The following PTK2 variants were observed in gnomAD, a reference collection of about 807,000 sequenced individuals.
PTK2 encodes the protein focal adhesion kinase 1.
In PTK2, 45 loss-of-function variants were observed where a neutral mutation model predicts 150.1. That is an observed-to-expected ratio of 0.30 (90% confidence interval 0.24 to 0.38). The LOEUF is 0.38. Ranked by LOEUF, PTK2 falls within the 10% of genes least tolerant of loss-of-function variation. PTK2 has a pLI of 1.00. For synonymous variants in PTK2, 432 were observed against 449.2 expected (o/e 0.96, Z 0.48); for missense variants, 919 against 1,307.3 (o/e 0.70, Z 4.58).
intron 2 of PTK2, chr8:140,920,790 A>T: frequency 2.1e-6 from 3 of 1,459,282 alleles, no homozygotes; most frequent in Non-Finnish European, 2.7e-6. Flanking sequence ...AATAAAACGG[A>T]ACATATTTTT....
intron 5 of PTK2, among the ~76,000 whole-genome samples, chr8:140,862,163 G>A (rs1399950626): frequency 6.6e-6 from 1 of 152,058 alleles, no homozygotes; most frequent in Admixed American, 6.5e-5. Flanking sequence ...TTATAAAAAG[G>A]AGTCACTTAA....
intron 14 of PTK2, 53 bp from the exon 17 acceptor site, chr8:140,764,343 G>A (rs773889677): frequency 3.0e-6 from 4 of 1,319,312 alleles, no homozygotes; most frequent in Admixed American, 1.7e-5. Flanking sequence ...TGACCTCCTG[G>A]TATTTCATAT....
intron 23 of PTK2, among the ~76,000 whole-genome samples, chr8:140,714,226 G>A (rs182968297): frequency 6.6e-6 from 1 of 152,176 alleles, no homozygotes; most frequent in East Asian, 1.9e-4. Context: ...TTGGGAAAGA[G>A]AAAGACTTTT....
intron 1 of PTK2, among the ~76,000 whole-genome samples, chr8:140,984,451 A>G (rs2100192572): frequency 6.6e-6 from 1 of 152,174 alleles, no homozygotes; most frequent in Admixed American, 6.5e-5. Context: ...CTTAGGAAAA[A>G]TGCAAGTCTG....
chr8:140,769,755 G>C (rs2100074512), intron 14 of PTK2, among the ~76,000 whole-genome samples, 163 bp from the exon 16 acceptor site: 1 of 152,084 alleles, frequency 6.6e-6, no homozygotes, highest in Non-Finnish European at 1.5e-5. Context: ...TAATTCAAAA[G>C]ATAAAGAAAG....
At chr8:140,922,933 G>T (rs1222823274) in intron 2 of PTK2, among the ~76,000 whole-genome samples, 2 of 152,122 alleles carry the variant, frequency 1.3e-5, no homozygotes, top group Non-Finnish European at 2.9e-5. Flanking sequence ...AGAGAGTGGT[G>T]TAAGCACAGG....
chr8:140,965,358 T>C (rs4440675), intron 1 of PTK2, among the ~76,000 whole-genome samples: 67,148 of 152,012 alleles, frequency 0.44, 16,046 homozygotes, highest in Non-Finnish European at 0.55. Context: ...GTAGGGGCTG[T>C]TCTGTCTCAC....
chr8:140,958,139 ACTAATTTT>A (rs1392119873), intron 1 of PTK2, among the ~76,000 whole-genome samples: 2 of 151,912 alleles, frequency 1.3e-5, no homozygotes, highest in Non-Finnish European at 1.5e-5. Context: ...TCACTCTCCT[ACTAATTTT>A]TTGTTTTTGA....
At chr8:140,797,771 T>G (rs776499662) in intron 12 of PTK2, among the ~76,000 whole-genome samples, 7 of 152,198 alleles carry the variant, frequency 4.6e-5, no homozygotes, top group Non-Finnish European at 1.0e-4. Flanking sequence ...ACAATTTGGC[T>G]TGTGGCTCTT....
intron 1 of PTK2, among the ~76,000 whole-genome samples, chr8:140,967,457 CTTTCTTT>C (rs2100185686): frequency 8.6e-6 from 1 of 115,868 alleles, no homozygotes; most frequent in African/African-American, 3.2e-5. Context: ...TTCTTTCTTT[CTTTCTTT>C]TTTTTTTTTT....
chr8:140,941,615 G>A (rs1259996302), intron 1 of PTK2, among the ~76,000 whole-genome samples: 1 of 152,070 alleles, frequency 6.6e-6, no homozygotes, highest in Non-Finnish European at 1.5e-5. Flanking sequence ...ACTCACTGTT[G>A]TGGCTTTTTA....
intron 23 of PTK2, among the ~76,000 whole-genome samples, chr8:140,711,802 G>A (rs887960900): frequency 2.6e-5 from 4 of 152,134 alleles, no homozygotes; most frequent in African/African-American, 4.8e-5. Context: ...CTTTATACAT[G>A]CATGCATAAT....
chr8:140,680,875 A>G (rs1427352894), intron 27 of PTK2, among the ~76,000 whole-genome samples: 1 of 152,180 alleles, frequency 6.6e-6, no homozygotes, highest in Non-Finnish European at 1.5e-5. Flanking sequence ...TTTTAAGGTA[A>G]GTGTTGACAG....
intron 2 of PTK2, among the ~76,000 whole-genome samples, chr8:140,918,048 A>ACAT (rs2154608182): frequency 6.6e-6 from 1 of 152,356 alleles, no homozygotes; most frequent in East Asian, 1.9e-4. Context: ...AGCATATGGC[A>ACAT]GTGAGCAAAA....
chr8:140,698,463 CT>C (rs1368886902), intron 26 of PTK2, among the ~76,000 whole-genome samples: 1 of 152,016 alleles, frequency 6.6e-6, no homozygotes, highest in Non-Finnish European at 1.5e-5. Context: ...CATATTTTTT[CT>C]TTTTTTCCAG....
chr8:140,881,820 C>G (rs2100149251), intron 3 of PTK2, among the ~76,000 whole-genome samples: 1 of 152,186 alleles, frequency 6.6e-6, no homozygotes, highest in African/African-American at 2.4e-5. Flanking sequence ...CTCAAAGAGG[C>G]TTAGCCCAGA....
chr8:140,993,535 A>G (rs564057406), intron 1 of PTK2, among the ~76,000 whole-genome samples: 8 of 152,334 alleles, frequency 5.3e-5, no homozygotes, highest in South Asian at 2.1e-4. Context: ...ATTTTACTAC[A>G]AAATATGTAA....
At chr8:140,823,373 A>G (rs1329251651) in intron 8 of PTK2, among the ~76,000 whole-genome samples, 2 of 152,226 alleles carry the variant, frequency 1.3e-5, no homozygotes, top group African/African-American at 4.8e-5. Context: ...ATTATAATAT[A>G]CTGACACCTG....
intron 14 of PTK2, among the ~76,000 whole-genome samples, chr8:140,778,933 A>C (rs2100080006): frequency 2.1e-5 from 3 of 141,684 alleles, no homozygotes; most frequent in Admixed American, 7.0e-5. Context: ...CAGGAAAGAG[A>C]AATAGCAGAC....
Sources: allele counts gnomAD v4.1 joint callset (sites outside exome capture counted in the v4.1 genomes callset), GRCh38; gene constraint gnomAD v4.1.1; transcripts MANE v1.5; gene names NCBI Gene and HGNC (gene_info 2026-07-23, HGNC 2026-07-21).